The following AGPAT3 variants were observed in gnomAD, a reference collection of about 807,000 sequenced individuals.
AGPAT3 encodes 1-acylglycerol-3-phosphate O-acyltransferase 3, also known as 1-acyl-sn-glycerol-3-phosphate acyltransferase gamma.
AGPAT3 carries 5 observed loss-of-function variants against 47.3 expected under a neutral mutation model. The ratio of observed to expected loss-of-function variants is 0.11; its 90% CI spans 0.06 to 0.22. AGPAT3 has a LOEUF of 0.22. Ranked by LOEUF, AGPAT3 falls within the 10% of genes least tolerant of loss-of-function variation. The pLI is 1.00. For missense variants in AGPAT3, 315 were observed against 493.0 expected, an observed-to-expected ratio of 0.64 and a Z score of 3.42; for synonymous variants, 212 against 208.3, an observed-to-expected ratio of 1.02 and a Z score of -0.15.
At chr21:43,931,424 T>C (rs1485949881) in intron 2 of AGPAT3, among the ~76,000 whole-genome samples, 1 of 152,244 alleles carries the variant, frequency 6.6e-6, no homozygotes, top group Admixed American at 6.5e-5. Context: ...ATCAACATAC[T>C]CGGTTCTTCT....
At chr21:43,979,960 A>G (rs976334141) in intron 8 of AGPAT3, among the ~76,000 whole-genome samples, 1 of 152,196 alleles carries the variant, frequency 6.6e-6, no homozygotes, top group Non-Finnish European at 1.5e-5. Context: ...CAGTGAGCTC[A>G]GTGATAACAG....
chr21:43,893,771 A>G (rs1040023638), intron 1 of AGPAT3, among the ~76,000 whole-genome samples: 1 of 152,208 alleles, frequency 6.6e-6, no homozygotes. Context: ...AGTTCAGAGC[A>G]TGCACGACCT....
At chr21:43,956,187 C>T (rs1217598160) in intron 2 of AGPAT3, among the ~76,000 whole-genome samples, 3 of 152,176 alleles carry the variant, frequency 2.0e-5, no homozygotes, top group Non-Finnish European at 1.5e-5. Flanking sequence ...TCGAATATAT[C>T]GTCTCTAGCT....
rs908697918 is a variant in AGPAT3 at position 43,977,985 on chromosome 21, C to G, written c.768-61C>G. 2.7e-5 allele frequency: 38 copies of G among 1,427,480 alleles called. No homozygotes were observed. The African/African-American group carries it at 4.9e-4, about 18-fold the overall frequency. 88.4% of individuals were successfully genotyped at this position (1,427,480 alleles called of 1,614,324 possible). A position where few individuals can be genotyped will look rare whatever the true frequency, so the allele number is the denominator to read the frequency against. On this transcript the variant is annotated intron_variant, in intron 7 of 9. Coordinates refer to ENST00000291572, the MANE Select transcript of AGPAT3 (RefSeq NM_020132.5). ...GGCACACGACATGTTCCCCTGTGCC[C>G]TCTTTCTAGTGTGAGGTCATGTGGT...
At chr21:43,948,839 C>T (rs2088038462) in intron 2 of AGPAT3, among the ~76,000 whole-genome samples, 1 of 152,196 alleles carries the variant, frequency 6.6e-6, no homozygotes, top group Non-Finnish European at 1.5e-5. Flanking sequence ...AACGTGTAGT[C>T]AGTGCTTCAT....
chr21:43,982,191 C>T lies in AGPAT3; in HGVS notation c.1043-113C>T, dbSNP rs140338985. ...CACTGACAGCAGAGGCCACTGGGTG[C>T]GGGGCAGAGGGACAGGGTCTGGGGC... On this transcript the variant is annotated intron_variant, in intron 9 of 9. Coordinates refer to ENST00000291572, the MANE Select transcript of AGPAT3 (RefSeq NM_020132.5). This position sits in a 1 kb window ranked among gnomAD's most constrained non-coding sequence, Gnocchi z 6.2. 4.1e-3 allele frequency: 3,082 copies of T among 755,930 alleles called. 18 individuals are homozygous for T. The highest frequency in any genetic ancestry group is 0.012 in the Middle Eastern group (35 of 2,972). 46.8% of individuals were successfully genotyped at this position (755,930 alleles called of 1,614,324 possible). A position where few individuals can be genotyped will look rare whatever the true frequency, so the allele number is the denominator to read the frequency against.
In AGPAT3 at chr21:43,981,328, C is replaced by T. The variant is rs1197957853; in HGVS notation, c.1042+141C>T. The T allele has an allele frequency of 2.0e-5, 19 of 944,738 alleles. No homozygotes were observed. The highest frequency in any genetic ancestry group is 1.5e-4 in the Admixed American group (7 of 45,870). 58.5% of individuals were successfully genotyped at this position (944,738 alleles called of 1,614,324 possible). The stretch of plus-strand genomic sequence containing the variant: ...ATGGACCCTGGAGCCAGGATCCCCC[C>T]ACGGCCTGCGGGCCTCAGAGCCTGG... On this transcript the variant is annotated intron_variant, in intron 9 of 9. Transcript: ENST00000291572. The surrounding 1 kb of genome is among the most constrained non-coding windows in gnomAD (Gnocchi z 5.3).
intron 1 of AGPAT3, among the ~76,000 whole-genome samples, chr21:43,877,058 C>T (rs1361521327): frequency 2.6e-5 from 4 of 152,092 alleles, no homozygotes; most frequent in African/African-American, 9.7e-5. Context: ...GGGATTTGAC[C>T]ATGTTACCCA....
chr21:43,865,505 C>CCGCGGGG (rs1433516835), intron 1 of AGPAT3, among the ~76,000 whole-genome samples, 160 bp downstream of exon 1: 1 of 147,540 alleles, frequency 6.8e-6, no homozygotes, highest in Non-Finnish European at 1.5e-5. Flanking sequence ...CGGCCGCGCT[C>CCGCGGGG]CGCGGGGCGC....
intron 2 of AGPAT3, 127 bp from the exon 3 acceptor site, chr21:43,959,507 G>A: frequency 1.3e-6 from 1 of 792,790 alleles, no homozygotes; most frequent in Non-Finnish European, 2.0e-6. Context: ...GGGGTTTGCA[G>A]TGTGCTGTGC....
In AGPAT3 at chr21:43,981,089, C is replaced by T. The variant is rs1187745096; in HGVS notation, c.944C>T (p.Ala315Val). ...ACCCTCCTGAACTTCCTGTCCTGGG[C>T]CACCATTCTCCTGTCTCCCCTCTTC... ...PWTLLNFLSW[A>V]TILLSPLFSF... The change falls in exon 9 of 10, where the codon GCC (alanine) becomes GTC (valine). Residue 315 changes from alanine to valine, a missense_variant. Physicochemically the swap from Ala to Val is moderately conservative, Grantham distance 64 (BLOSUM62 0). Transcript: ENST00000291572. This position sits in a 1 kb window ranked among gnomAD's most constrained non-coding sequence, Gnocchi z 5.3. 5 of 1,614,088 alleles carry T rather than the reference C, an allele frequency of 3.1e-6. No individual in the cohort carries two copies. The Admixed American group carries it at 8.3e-5, about 27-fold the overall frequency.
intron 1 of AGPAT3, among the ~76,000 whole-genome samples, chr21:43,865,660 G>T (rs1234997835): frequency 6.6e-6 from 1 of 151,082 alleles, no homozygotes; most frequent in African/African-American, 2.4e-5. Flanking sequence ...GGCCCAGCGG[G>T]GAGGCCCGGG....
chr21:43,954,992 C>T lies in AGPAT3; in HGVS notation c.-48-4642C>T, dbSNP rs754784563. ...GAGGACGGTTGATAAAGTGGATTCT[C>T]GAGGGGAAGCTGCATCCACACAGAG... On this transcript the variant is annotated intron_variant, in intron 2 of 9. Coordinates refer to ENST00000291572, the MANE Select transcript of AGPAT3 (RefSeq NM_020132.5). The surrounding 1 kb of genome is among the most constrained non-coding windows in gnomAD (Gnocchi z 4.0). 25 of 1,115,930 alleles carry T rather than the reference C, an allele frequency of 2.2e-5. 2 individuals are homozygous for T. Among genetic ancestry groups the T allele is most frequent in the Middle Eastern group, 4.0e-4 (1 of 2,512 alleles). The allele number at this position is 1,115,930 out of a possible 1,614,324, so 69.1% of individuals were successfully genotyped here. A position where few individuals can be genotyped will look rare whatever the true frequency, so the allele number is the denominator to read the frequency against.
chr21:43,895,342 C>T (rs183034026), intron 1 of AGPAT3, among the ~76,000 whole-genome samples: 79 of 152,014 alleles, frequency 5.2e-4, no homozygotes, highest in East Asian at 1.9e-4. Flanking sequence ...CTCCTGAGCT[C>T]AGGCAGTCCG....
chr21:43,938,439 C>G (rs1332161187), intron 2 of AGPAT3, among the ~76,000 whole-genome samples: 2 of 148,846 alleles, frequency 1.3e-5, no homozygotes, highest in Non-Finnish European at 3.0e-5. Context: ...TCCTGAGAAG[C>G]TGGGATTACA....
chr21:43,906,487 G>C (rs1040400208), intron 2 of AGPAT3, among the ~76,000 whole-genome samples: 3 of 152,174 alleles, frequency 2.0e-5, no homozygotes, highest in Non-Finnish European at 4.4e-5. Flanking sequence ...TTTTAAACCA[G>C]AAATGTTGTA....
rs2030261059 is a variant in AGPAT3, at chr21:43,986,066, T to C, written c.*3674T>C. On this transcript the variant is annotated 3_prime_UTR_variant, in exon 10 of 10. Coordinates refer to ENST00000291572, the MANE Select transcript of AGPAT3 (RefSeq NM_020132.5). ...CTGGCTCTGCCCCATACCCCTGCCG[T>C]GGGGCCGACCTGGGGGATGCAGACA... 6.6e-6 allele frequency: 1 copy of C among 152,246 alleles called. No individual in the cohort carries two copies. Among genetic ancestry groups the C allele is most frequent in the Non-Finnish European group, 1.5e-5 (1 of 68,054 alleles). The allele number at this position is 152,246 out of a possible 1,614,324, so 9.4% of individuals were successfully genotyped here.
rs1229045510 is a variant in AGPAT3, at chr21:43,970,953, A to G, written c.664+147A>G. On this transcript the variant is annotated intron_variant, in intron 6 of 9. Transcript: ENST00000291572. This position sits in a 1 kb window ranked among gnomAD's most constrained non-coding sequence, Gnocchi z 5.8. ...AATCAAGTGAGGGGGTCGGCGCCGCAAGGTTCCCGCGTCAGGTTTTGAGGT... is the reference window on the plus strand; with the variant it reads ...AATCAAGTGAGGGGGTCGGCGCCGCGAGGTTCCCGCGTCAGGTTTTGAGGT... 6.6e-6 allele frequency: 6 copies of G among 903,350 alleles called. No homozygotes were observed. The East Asian group carries it at 1.8e-4, about 27-fold the overall frequency. The allele number at this position is 903,350 out of a possible 1,614,324, so 56.0% of individuals were successfully genotyped here. A position where few individuals can be genotyped will look rare whatever the true frequency, so the allele number is the denominator to read the frequency against.
In AGPAT3 at chr21:43,871,445, A is replaced by T. The variant is rs141206571; in HGVS notation, c.-112+6100A>T. 4.9e-3 allele frequency among the ~76,000 whole-genome samples: 742 copies of T among 152,340 alleles called. 1 individual carries two copies. Among genetic ancestry groups the T allele is most frequent in the Non-Finnish European group, 7.3e-3 (497 of 68,034 alleles). ...GCAAAGATAAAGCCTGCAAAAAATAATGTTTTCAGAATGCATCCATACATT... is the reference window on the plus strand; with the variant it reads ...GCAAAGATAAAGCCTGCAAAAAATATTGTTTTCAGAATGCATCCATACATT... On this transcript the variant is annotated intron_variant, in intron 1 of 9. Coordinates refer to ENST00000291572, the MANE Select transcript of AGPAT3 (RefSeq NM_020132.5).
Sources: gnomAD v4.1 joint callset for allele counts (sites outside exome capture counted in the v4.1 genomes callset) on GRCh38, gnomAD v4.1.1 for gene constraint, Gnocchi (gnomAD v3.1) non-coding constraint, MANE v1.5 for transcripts, NCBI Gene and HGNC (gene_info 2026-07-23, HGNC 2026-07-21) for gene names.